Variants in HTR7 observed in about 807,000 individuals in gnomAD.
HTR7 encodes the protein 5-hydroxytryptamine receptor 7, also known as 5-HT-7.
In HTR7, 16 loss-of-function variants were observed where a neutral mutation model predicts 34.0. That is an observed-to-expected ratio of 0.47 (90% CI 0.32 to 0.71). The LOEUF (loss-of-function observed/expected upper bound fraction) is 0.71. Among genes scored for constraint, HTR7 ranks in the 30% least tolerant of loss-of-function variants. The pLI, the probability that HTR7 is intolerant of heterozygous loss-of-function variation, is 0.04. For synonymous variants in HTR7, 265 were observed against 260.2 expected (o/e 1.02, Z -0.18); for missense variants, 504 against 625.5 (o/e 0.81, Z 2.07).
At chr10:90,838,353 G>A (rs994339911) in intron 1 of HTR7, among the ~76,000 whole-genome samples, 11 of 151,998 alleles carry the variant, frequency 7.2e-5, no homozygotes, top group African/African-American at 2.7e-4. Flanking sequence ...AAGGCCTGCC[G>A]ATACACCTCC....
intron 1 of HTR7, among the ~76,000 whole-genome samples, chr10:90,768,258 T>C (rs1043155546): frequency 2.0e-5 from 3 of 152,322 alleles, no homozygotes; most frequent in South Asian, 2.1e-4. Flanking sequence ...AGTATTGCAA[T>C]AGCCTCTAAA....
intron 1 of HTR7, among the ~76,000 whole-genome samples, chr10:90,821,324 T>A (rs1845977625): frequency 6.6e-6 from 1 of 152,094 alleles, no homozygotes; most frequent in East Asian, 1.9e-4. Flanking sequence ...TCCGTGCACT[T>A]GGGGGAGAAA....
chr10:90,789,570 C>G (rs554459350), intron 1 of HTR7, among the ~76,000 whole-genome samples: 30 of 152,210 alleles, frequency 2.0e-4, no homozygotes, highest in Admixed American at 6.5e-4. Context: ...ATGCTGTTAG[C>G]AAATGTACTG....
chr10:90,844,125 A>C (rs1411521027), intron 1 of HTR7, among the ~76,000 whole-genome samples: 2 of 152,210 alleles, frequency 1.3e-5, no homozygotes, highest in Admixed American at 6.5e-5. Context: ...TGATTTAGTG[A>C]GATTGGCAGA....
chr10:90,795,154 C>T (rs1262243137), intron 1 of HTR7, among the ~76,000 whole-genome samples: 1 of 152,140 alleles, frequency 6.6e-6, no homozygotes, highest in Non-Finnish European at 1.5e-5. Flanking sequence ...ACTGATTTAC[C>T]TTCCTTTGGG....
Position 90,844,522 on chromosome 10 carries a change from G to A in HTR7, c.539+12611C>T, listed in dbSNP as rs778454093. On this transcript the variant is annotated intron_variant, in intron 1 of 3. Transcript: ENST00000336152. ...AGGCGGATCATGAGGTCAGGAGATC[G>A]AGACCATCCTGGCTAACACAGTGAA... Among the ~76,000 whole-genome samples, 299 of 151,408 alleles carry A rather than the reference G, an allele frequency of 2.0e-3. 1 individual carries two copies. Among genetic ancestry groups the A allele is most frequent in the Middle Eastern group, 0.01 (3 of 294 alleles).
At chr10:90,848,212 G>A (rs566135033) in intron 1 of HTR7, among the ~76,000 whole-genome samples, 2 of 151,856 alleles carry the variant, frequency 1.3e-5, no homozygotes, top group Non-Finnish European at 2.9e-5. Context: ...ACAGGCATGC[G>A]CCAGCATACC....
chr10:90,822,409 T>C (rs1845998469), intron 1 of HTR7, among the ~76,000 whole-genome samples: 1 of 152,196 alleles, frequency 6.6e-6, no homozygotes, highest in Admixed American at 6.5e-5. Context: ...ATTGAGGGTA[T>C]CTGGCAGAAG....
chr10:90,743,512 G>T, intron 3 of HTR7, 81 bp downstream of exon 3: 1 of 1,121,246 alleles, frequency 8.9e-7, no homozygotes, highest in Non-Finnish European at 1.4e-6. Context: ...AGCTCAGCAC[G>T]GCTCTGCTCA....
rs142610248 is a variant in HTR7, at chr10:90,752,697, T to C, written c.540-3103A>G. On this transcript the variant is annotated intron_variant, in intron 1 of 3. Coordinates refer to ENST00000336152, the MANE Select transcript of HTR7 (RefSeq NM_019859.4). ...ATCAATAAAACAAGATAGGTTCAAATTGATTCAAATATATAAGGGAATTCA... is the reference window on the plus strand; with the variant it reads ...ATCAATAAAACAAGATAGGTTCAAACTGATTCAAATATATAAGGGAATTCA... Among the ~76,000 whole-genome samples, 456 of 152,240 alleles carry C rather than the reference T, an allele frequency of 3.0e-3. 4 individuals carry two copies. Among genetic ancestry groups the C allele is most frequent in the African/African-American group, 0.01 (436 of 41,572 alleles).
At chr10:90,785,579 T>G (rs1845368446) in intron 1 of HTR7, among the ~76,000 whole-genome samples, 1 of 152,182 alleles carries the variant, frequency 6.6e-6, no homozygotes, top group Admixed American at 6.5e-5. Context: ...GCACAGGCAC[T>G]AAATACATAT....
intron 1 of HTR7, among the ~76,000 whole-genome samples, chr10:90,846,522 C>T (rs771448123): frequency 6.6e-6 from 1 of 152,152 alleles, no homozygotes. Flanking sequence ...TCCAGGCTAC[C>T]CTTCCAGCAT....
At chr10:90,834,511 G>A (rs911551909) in intron 1 of HTR7, among the ~76,000 whole-genome samples, 7 of 152,098 alleles carry the variant, frequency 4.6e-5, no homozygotes, top group African/African-American at 1.7e-4. Flanking sequence ...GAGTCAGCTG[G>A]GCTGTTCCAG....
intron 1 of HTR7, among the ~76,000 whole-genome samples, chr10:90,804,626 A>C (rs913175081): frequency 6.6e-6 from 1 of 152,214 alleles, no homozygotes; most frequent in Non-Finnish European, 1.5e-5. Context: ...AGGAGTTCAA[A>C]GGCCAGAAAT....
rs540191501 is a variant in HTR7 at position 90,814,723 on chromosome 10, T to A, written c.539+42410A>T. On this transcript the variant is annotated intron_variant, in intron 1 of 3. Coordinates refer to ENST00000336152, the MANE Select transcript of HTR7 (RefSeq NM_019859.4). ...ATTAAACGAATAAAATAGAAACTGA[T>A]GGGGTTAAAACAAAGGTCTTAGTAC... Among the ~76,000 whole-genome samples the A allele has an allele frequency of 3.3e-5, 5 of 152,286 alleles. No homozygotes were observed. In the East Asian group the frequency reaches 9.6e-4, roughly 29 times the overall value.
chr10:90,761,096 A>G, intron 1 of HTR7, among the ~76,000 whole-genome samples: 1 of 152,106 alleles, frequency 6.6e-6, no homozygotes, highest in East Asian at 1.9e-4. Flanking sequence ...TCAACTTTCT[A>G]TCTACCTGTC....
chr10:90,855,113 A>G (rs2120138117), intron 1 of HTR7, among the ~76,000 whole-genome samples: 1 of 152,354 alleles, frequency 6.6e-6, no homozygotes, highest in Non-Finnish European at 1.5e-5. Context: ...CTGATCTTCT[A>G]AAATAATTTT....
chr10:90,748,040 T>C (rs1490724429), intron 2 of HTR7, among the ~76,000 whole-genome samples: 2 of 152,216 alleles, frequency 1.3e-5, no homozygotes, highest in African/African-American at 4.8e-5. Flanking sequence ...CAAGAACCTA[T>C]TGTAATTGCT....
chr10:90,752,082 C>A (rs1055638089), intron 1 of HTR7, among the ~76,000 whole-genome samples: 1 of 152,120 alleles, frequency 6.6e-6, no homozygotes, highest in Non-Finnish European at 1.5e-5. Context: ...CATTAGGCAC[C>A]ATTCTCTAAT....
Sources: gnomAD v4.1 joint callset for allele counts (sites outside exome capture counted in the v4.1 genomes callset) on GRCh38, gnomAD v4.1.1 for gene constraint, MANE v1.5 for transcripts, NCBI Gene and HGNC (gene_info 2026-07-23, HGNC 2026-07-21) for gene names.